The following ATXN1 variants were observed in gnomAD, a reference collection of about 807,000 sequenced individuals.
The protein encoded by ATXN1 is ataxin 1, also known as ataxin-1.
Under a neutral mutation model 56.4 loss-of-function variants are expected in ATXN1, and 8 were observed. The observed-to-expected ratio is 0.14, with a 90% confidence interval of 0.08 to 0.26. The LOEUF is 0.26. Among genes scored for constraint, ATXN1 ranks in the 10% least tolerant of loss-of-function variants. The pLI is 1.00. For missense variants in ATXN1, 987 were observed against 1,106.5 expected (o/e 0.89, Z 1.53); for synonymous variants, 514 against 494.6 (o/e 1.04, Z -0.52).
intron 2 of ATXN1, among the ~76,000 whole-genome samples, chr6:16,682,934 A>G (rs937703083): frequency 2.6e-5 from 4 of 152,214 alleles, no homozygotes; most frequent in African/African-American, 7.2e-5. Flanking sequence ...TTTTAGCTGA[A>G]CTTGGAATGA....
At chr6:16,705,764 G>A (rs955657545) in intron 2 of ATXN1, among the ~76,000 whole-genome samples, 2 of 152,106 alleles carry the variant, frequency 1.3e-5, no homozygotes, top group South Asian at 4.1e-4. Context: ...GGTGCTCTGT[G>A]GTTCTGGAAT....
At chr6:16,615,385 C>T (rs1461613142) in intron 3 of ATXN1, 1 of 150,558 alleles carries the variant, frequency 6.6e-6, no homozygotes, top group African/African-American at 2.4e-5. Context: ...CTGGAAATCC[C>T]CGCTTGATGG....
chr6:16,745,933 C>CGTGTGTGTGTGTGT (rs60773814), intron 2 of ATXN1, among the ~76,000 whole-genome samples: 116 of 147,234 alleles, frequency 7.9e-4, no homozygotes, highest in Non-Finnish European at 1.4e-3. Context: ...CTATGCCTTC[C>CGTGTGTGTGTGTGT]GTGTGTGTGT....
chr6:16,555,512 G>A (rs1761994611), intron 4 of ATXN1, among the ~76,000 whole-genome samples: 1 of 152,078 alleles, frequency 6.6e-6, no homozygotes, highest in African/African-American at 2.4e-5. Context: ...AGGCAGACTC[G>A]CCTAAGACAC....
intron 6 of ATXN1, among the ~76,000 whole-genome samples, chr6:16,341,211 T>C (rs1328178815): frequency 6.6e-6 from 1 of 152,252 alleles, no homozygotes; most frequent in Admixed American, 6.5e-5. Flanking sequence ...CCTGGGACAC[T>C]ACTGGTTTCA....
chr6:16,353,272 G>A (rs1490409305), intron 6 of ATXN1, among the ~76,000 whole-genome samples: 1 of 152,192 alleles, frequency 6.6e-6, no homozygotes, highest in African/African-American at 2.4e-5. Context: ...CTGAGAACGA[G>A]GTCTATGACA....
At chr6:16,684,895 T>G (rs1758885133) in intron 2 of ATXN1, among the ~76,000 whole-genome samples, 1 of 152,060 alleles carries the variant, frequency 6.6e-6, no homozygotes, top group South Asian at 2.1e-4. Flanking sequence ...TTAATTCGCC[T>G]TCATGTTCTA....
chr6:16,429,959 G>A (rs917874343), intron 6 of ATXN1, among the ~76,000 whole-genome samples: 8 of 152,200 alleles, frequency 5.3e-5, no homozygotes, highest in African/African-American at 1.9e-4. Flanking sequence ...TTAAGTACAC[G>A]TGCCTGAAAA....
chr6:16,590,166 C>A (rs1196838474), intron 3 of ATXN1, among the ~76,000 whole-genome samples: 1 of 152,018 alleles, frequency 6.6e-6, no homozygotes, highest in Admixed American at 6.6e-5. Flanking sequence ...TAAATAAATA[C>A]TAAGGATTTG....
intron 2 of ATXN1, among the ~76,000 whole-genome samples, chr6:16,719,465 A>G (rs1304391453): frequency 6.6e-6 from 1 of 152,244 alleles, no homozygotes; most frequent in Non-Finnish European, 1.5e-5. Context: ...ATAAATGAAG[A>G]TGGCTTTAAG....
chr6:16,696,454 G>A (rs1420396057), intron 2 of ATXN1, among the ~76,000 whole-genome samples: 1 of 152,106 alleles, frequency 6.6e-6, no homozygotes, highest in Non-Finnish European at 1.5e-5. Flanking sequence ...ACTTAGGAAG[G>A]GAGGAAATTT....
chr6:16,632,522 G>A lies in ATXN1; in HGVS notation c.-489+25254C>T, dbSNP rs76003317. Among the ~76,000 whole-genome samples, 838 of 152,230 alleles carry A rather than the reference G, an allele frequency of 5.5e-3. 7 individuals carry two copies. Among genetic ancestry groups the A allele is most frequent in the South Asian group, 0.034 (164 of 4,824 alleles). On this transcript the variant is annotated intron_variant, in intron 3 of 7. Coordinates refer to ENST00000436367, the MANE Select transcript of ATXN1 (RefSeq NM_001128164.2). Reference sequence around the variant, plus strand: ...AATGACCCAGAATCACTTAAGCCCCGAGGGGGCCATGCCACCAGCACAGCA... The same window carrying A: ...AATGACCCAGAATCACTTAAGCCCCAAGGGGGCCATGCCACCAGCACAGCA...
intron 6 of ATXN1, among the ~76,000 whole-genome samples, chr6:16,349,270 T>C (rs1296337409): frequency 3.9e-5 from 6 of 152,288 alleles, no homozygotes; most frequent in South Asian, 2.1e-4. Context: ...TTTGGGAGGC[T>C]GAGGCTGGTG....
intron 4 of ATXN1, among the ~76,000 whole-genome samples, chr6:16,561,392 C>G (rs1437305790): frequency 6.6e-6 from 1 of 152,216 alleles, no homozygotes; most frequent in East Asian, 1.9e-4. Context: ...CCACCCACCT[C>G]TCCACAGATA....
At chr6:16,632,506 G>A (rs1381472332) in intron 3 of ATXN1, among the ~76,000 whole-genome samples, 2 of 152,142 alleles carry the variant, frequency 1.3e-5, no homozygotes, top group Non-Finnish European at 2.9e-5. Flanking sequence ...CAATGACCCA[G>A]AATCACTTAA....
At chr6:16,421,070 G>A (rs1413474607) in intron 6 of ATXN1, among the ~76,000 whole-genome samples, 1 of 152,210 alleles carries the variant, frequency 6.6e-6, no homozygotes, top group Non-Finnish European at 1.5e-5. Flanking sequence ...ATGAAACCAT[G>A]AGGTGCCCAG....
intron 3 of ATXN1, among the ~76,000 whole-genome samples, chr6:16,594,489 TTA>T (rs1762780091): frequency 6.6e-6 from 1 of 151,238 alleles, no homozygotes; most frequent in African/African-American, 2.4e-5. Flanking sequence ...TTTTTTTTAT[TTA>T]TTTATTTTTT....
At chr6:16,556,017 A>G (rs143563705) in intron 4 of ATXN1, among the ~76,000 whole-genome samples, 21 of 152,362 alleles carry the variant, frequency 1.4e-4, no homozygotes, top group African/African-American at 5.0e-4. Context: ...CACCATCAAA[A>G]AGAATCAACA....
At chr6:16,584,240 A>ATG (rs1473084487) in intron 4 of ATXN1, among the ~76,000 whole-genome samples, 3 of 126,582 alleles carry the variant, frequency 2.4e-5, no homozygotes, top group African/African-American at 9.0e-5. Flanking sequence ...ATATATATAT[A>ATG]TATACACACA....
Sources: gnomAD v4.1 joint callset for allele counts (sites outside exome capture counted in the v4.1 genomes callset) on GRCh38, gnomAD v4.1.1 for gene constraint, MANE v1.5 for transcripts, NCBI Gene and HGNC (gene_info 2026-07-23, HGNC 2026-07-21) for gene names.